Variants in WNT3A observed in about 807,000 individuals in gnomAD.
WNT3A encodes the protein Wnt family member 3A, also known as protein Wnt-3a.
A neutral mutation model predicts 37.0 loss-of-function variants in WNT3A; 17 were observed. The ratio of observed to expected loss-of-function variants is 0.46; its 90% confidence interval spans 0.31 to 0.69. The LOEUF (loss-of-function observed/expected upper bound fraction) is 0.69. Ranked by LOEUF, WNT3A falls within the 30% of genes least tolerant of loss-of-function variation. The pLI is 0.05. For synonymous variants in WNT3A, 187 were observed against 211.0 expected (o/e 0.89, Z 0.99); for missense variants, 411 against 510.2 (o/e 0.81, Z 1.87).
rs961904352 is a variant in WNT3A, at chr1:228,028,181, G to C, written c.313+5273G>C. ...ATGCTGTTTTGGTCACTATAGCCTT[G>C]TAGTATAATTTGAAGTTTGCTTCAA... On this transcript the variant is annotated intron_variant, in intron 2 of 3. Coordinates refer to ENST00000284523, the MANE Select transcript of WNT3A (RefSeq NM_033131.4). Among the ~76,000 whole-genome samples the C allele has an allele frequency of 9.9e-5, 15 of 151,900 alleles. 1 individual carries two copies. Among genetic ancestry groups the C allele is most frequent in the African/African-American group, 3.6e-4 (15 of 41,318 alleles).
rs1216182187 is a variant in WNT3A at position 228,031,449 on chromosome 1, GT to G, written c.313+8542del. Among the ~76,000 whole-genome samples, 1 of 152,200 alleles carries G rather than the reference GT, an allele frequency of 6.6e-6. No individual in the cohort carries two copies. On this transcript the variant is annotated intron_variant, in intron 2 of 3. Coordinates refer to ENST00000284523, the MANE Select transcript of WNT3A (RefSeq NM_033131.4). This position sits in a 1 kb window ranked among gnomAD's most constrained non-coding sequence, Gnocchi z 4.8. Reference sequence around the variant, plus strand: ...AGCTGCCAGGGTGCACAGGAGTCAGGTCCCAGGGCCGTGCAGCTCATCGAGC... The same window carrying G: ...AGCTGCCAGGGTGCACAGGAGTCAGGCCCAGGGCCGTGCAGCTCATCGAGC...
intron 1 of WNT3A, among the ~76,000 whole-genome samples, chr1:228,016,556 T>C (rs1239317278): frequency 1.3e-5 from 2 of 152,216 alleles, no homozygotes; most frequent in Non-Finnish European, 2.9e-5. Context: ...GCAAGGAGGC[T>C]GTCCAGGGTC....
At chr1:228,027,598 C>T (rs757384680) in intron 2 of WNT3A, among the ~76,000 whole-genome samples, 7 of 152,040 alleles carry the variant, frequency 4.6e-5, no homozygotes, top group Non-Finnish European at 8.8e-5. Flanking sequence ...CATTCATGTC[C>T]CTTACCCACT....
rs887529815 is a variant in WNT3A, at chr1:228,031,088, G to A, written c.313+8180G>A. Among the ~76,000 whole-genome samples, 3 of 152,192 alleles carry A rather than the reference G, an allele frequency of 2.0e-5. No homozygotes were observed. Among genetic ancestry groups the A allele is most frequent in the African/African-American group, 4.8e-5 (2 of 41,462 alleles). ...TCCAGCATCCAGTGGCCATGGCCAC[G>A]CCCCAGCCCTCATCACGGGCCTGTG... On this transcript the variant is annotated intron_variant, in intron 2 of 3. Transcript: ENST00000284523. This position sits in a 1 kb window ranked among gnomAD's most constrained non-coding sequence, Gnocchi z 4.8.
intron 2 of WNT3A, among the ~76,000 whole-genome samples, chr1:228,035,604 C>A (rs187886470): frequency 4.4e-4 from 67 of 152,334 alleles, no homozygotes; most frequent in African/African-American, 1.5e-3. Context: ...TGGATCTGAG[C>A]GGTCACTGAG....
At chr1:228,012,680 C>G (rs927028808) in intron 1 of WNT3A, among the ~76,000 whole-genome samples, 9 of 152,088 alleles carry the variant, frequency 5.9e-5, no homozygotes, top group Admixed American at 2.0e-4. Flanking sequence ...TCTCTGAAGG[C>G]TATTGGCTGG....
intron 2 of WNT3A, among the ~76,000 whole-genome samples, chr1:228,032,953 T>C (rs2031047490): frequency 6.6e-6 from 1 of 152,254 alleles, no homozygotes; most frequent in Non-Finnish European, 1.5e-5. Context: ...TTTCATGTGC[T>C]CATTGGCCAT....
At chr1:228,014,162 G>C (rs2102761284) in intron 1 of WNT3A, among the ~76,000 whole-genome samples, 1 of 152,308 alleles carries the variant, frequency 6.6e-6, no homozygotes, top group East Asian at 1.9e-4. Context: ...ATCCAGCAGG[G>C]CAGCAGGGCC....
At position 228,058,932 on chromosome 1, in the gene WNT3A, G is replaced by C. The variant is rs868039385; in HGVS notation, c.580-54G>C. 294 of 1,515,702 alleles carry C rather than the reference G, an allele frequency of 1.9e-4. 7 individuals are homozygous for C. The South Asian group carries it at 3.4e-3, about 18-fold the overall frequency. The allele number at this position is 1,515,702 out of a possible 1,614,324, so 93.9% of individuals were successfully genotyped here. ...AGGCGACATGTAATGCTGTTTCCTC[G>C]GGGAGACGCACCAGGGGGCCGCCCT... On this transcript the variant is annotated intron_variant, in intron 3 of 3. Transcript: ENST00000284523.
At chr1:228,054,350 C>T (rs6657821) in intron 3 of WNT3A, among the ~76,000 whole-genome samples, 2,073 of 152,170 alleles carry the variant, frequency 0.014, 48 homozygotes, top group African/African-American at 0.047. Flanking sequence ...GTTGGCTGGG[C>T]GTGGTGGCTC....
At chr1:228,014,233 GA>G (rs2030460963) in intron 1 of WNT3A, among the ~76,000 whole-genome samples, 2 of 152,202 alleles carry the variant, frequency 1.3e-5, no homozygotes, top group African/African-American at 4.8e-5. Flanking sequence ...TCAGGTAGGA[GA>G]GGGGTCCATT....
chr1:228,052,940 C>T (rs1159711319), intron 3 of WNT3A, among the ~76,000 whole-genome samples: 1 of 152,162 alleles, frequency 6.6e-6, no homozygotes, highest in Non-Finnish European at 1.5e-5. Flanking sequence ...ATCTCCAGTG[C>T]AACAGTCTGG....
chr1:228,030,830 T>C (rs1486954969), intron 2 of WNT3A, among the ~76,000 whole-genome samples: 1 of 152,204 alleles, frequency 6.6e-6, no homozygotes, highest in African/African-American at 2.4e-5. Context: ...CCCCCAACCC[T>C]GCTTCACAGC....
rs1327183640 is a variant in WNT3A, at chr1:228,060,315, G to T, written c.*850G>T. On this transcript the variant is annotated 3_prime_UTR_variant, in exon 4 of 4. Transcript: ENST00000284523. ...GGGAAGGTTCCATGAAGCGAGTCGG[G>T]TCCCCAACCCGTGCCCCTGGGATCC... The T allele has an allele frequency of 7.4e-7, 1 of 1,349,560 alleles. No individual in the cohort carries two copies. Among genetic ancestry groups the T allele is most frequent in the Admixed American group, 1.9e-5 (1 of 52,520 alleles). The allele number at this position is 1,349,560 out of a possible 1,614,324, so 83.6% of individuals were successfully genotyped here. A position where few individuals can be genotyped will look rare whatever the true frequency, so the allele number is the denominator to read the frequency against.
intron 2 of WNT3A, among the ~76,000 whole-genome samples, chr1:228,025,938 T>G (rs1424896896): frequency 6.8e-6 from 1 of 146,574 alleles, no homozygotes; most frequent in African/African-American, 2.6e-5. Flanking sequence ...TTTTTTTTTT[T>G]GTAGAGATGG....
intron 3 of WNT3A, among the ~76,000 whole-genome samples, chr1:228,055,179 AATAT>A (rs1180107835): frequency 0.025 from 481 of 19,184 alleles, 10 homozygotes; most frequent in East Asian, 0.053. Context: ...AAAAAAAAAA[AATAT>A]ATATATATAT....
chr1:228,057,821 G>GT (rs904064425), intron 3 of WNT3A, among the ~76,000 whole-genome samples: 19 of 152,162 alleles, frequency 1.2e-4, no homozygotes, highest in African/African-American at 1.9e-4. Context: ...GGTAAAACAA[G>GT]TTTTTTTGGT....
chr1:228,035,328 C>A (rs1238995549), intron 2 of WNT3A, among the ~76,000 whole-genome samples: 7 of 152,224 alleles, frequency 4.6e-5, no homozygotes, highest in African/African-American at 1.7e-4. Context: ...TGTGACAAAG[C>A]AGAGACATGA....
At chr1:228,026,927 C>T (rs990884383) in intron 2 of WNT3A, among the ~76,000 whole-genome samples, 3 of 152,230 alleles carry the variant, frequency 2.0e-5, no homozygotes, top group Admixed American at 2.0e-4. Flanking sequence ...ACTGCAGCCT[C>T]CACCTCCTGG....
Sources: allele counts gnomAD v4.1 joint callset (sites outside exome capture counted in the v4.1 genomes callset), GRCh38; gene constraint gnomAD v4.1.1; non-coding constraint Gnocchi (gnomAD v3.1); transcripts MANE v1.5; gene names NCBI Gene and HGNC (gene_info 2026-07-23, HGNC 2026-07-21).